The following PCDH9 variants were observed in gnomAD, a reference collection of about 807,000 sequenced individuals.
PCDH9 encodes protocadherin 9.
Under a neutral mutation model 70.6 loss-of-function variants are expected in PCDH9, and 24 were observed. That is an observed-to-expected ratio of 0.34 (90% CI 0.25 to 0.48). The LOEUF is 0.48. PCDH9 is among the 20% of genes least tolerant of loss of function. PCDH9 has a pLI of 0.99. For synonymous variants in PCDH9, 562 were observed against 558.5 expected (o/e 1.01, Z -0.09); for missense variants, 1,281 against 1,503.6 (o/e 0.85, Z 2.45).
chr13:66,401,036 C>T (rs760447199), intron 4 of PCDH9, among the ~76,000 whole-genome samples: 2 of 152,070 alleles, frequency 1.3e-5, no homozygotes, highest in African/African-American at 2.4e-5. Flanking sequence ...GTGGGGAAAT[C>T]GTAAGTGTGT....
chr13:67,059,242 CA>C (rs1415556076), intron 2 of PCDH9, among the ~76,000 whole-genome samples: 1 of 150,948 alleles, frequency 6.6e-6, no homozygotes. Flanking sequence ...GGTGTGCTAG[CA>C]TTATTCTAGA....
chr13:66,971,861 T>A (rs1267278138), intron 2 of PCDH9, among the ~76,000 whole-genome samples: 1 of 152,042 alleles, frequency 6.6e-6, no homozygotes, highest in Non-Finnish European at 1.5e-5. Context: ...CACATTTTTG[T>A]AAGGAATTAT....
intron 2 of PCDH9, among the ~76,000 whole-genome samples, chr13:67,095,035 T>C (rs962054046): frequency 2.0e-5 from 3 of 152,170 alleles, no homozygotes; most frequent in African/African-American, 7.2e-5. Context: ...TTATGACATA[T>C]ATATTTTGAT....
chr13:67,100,004 C>T (rs57763860), intron 2 of PCDH9, among the ~76,000 whole-genome samples: 11,914 of 152,124 alleles, frequency 0.078, 1,078 homozygotes, highest in African/African-American at 0.22. Context: ...GATGTTAAAT[C>T]ACTGAACTAT....
chr13:66,813,248 TAA>T lies in PCDH9; in HGVS notation c.3138+90254_3138+90255del, dbSNP rs574799305. On this transcript the variant is annotated intron_variant, in intron 3 of 4. Coordinates refer to ENST00000377865, the MANE Select transcript of PCDH9 (RefSeq NM_203487.3). The stretch of plus-strand genomic sequence containing the variant: ...AAGGCATTATAACTCTCAGAATTCC[TAA>T]AGTAATTCCGACAGCAATAAAAACT... Among the ~76,000 whole-genome samples the T allele has an allele frequency of 4.6e-3, 702 of 152,256 alleles. 4 individuals are homozygous for T. Among genetic ancestry groups the T allele is most frequent in the Non-Finnish European group, 4.5e-3 (308 of 68,012 alleles).
chr13:66,330,508 G>A (rs1015269482), intron 4 of PCDH9, among the ~76,000 whole-genome samples: 1 of 152,102 alleles, frequency 6.6e-6, no homozygotes, highest in African/African-American at 2.4e-5. Flanking sequence ...TAGCCCACTG[G>A]ACAGATTTGT....
At chr13:66,365,993 A>C (rs1167694266) in intron 4 of PCDH9, among the ~76,000 whole-genome samples, 1 of 152,094 alleles carries the variant, frequency 6.6e-6, no homozygotes, top group African/African-American at 2.4e-5. Context: ...AAATTTTGCA[A>C]ATATGAAAAG....
At chr13:66,319,597 AT>A (rs1955716466) in intron 4 of PCDH9, among the ~76,000 whole-genome samples, 1 of 151,884 alleles carries the variant, frequency 6.6e-6, no homozygotes, top group Non-Finnish European at 1.5e-5. Context: ...ACTAATAAGG[AT>A]TTAGTGAGGG....
intron 4 of PCDH9, among the ~76,000 whole-genome samples, chr13:66,408,753 T>C (rs1447493460): frequency 6.6e-6 from 1 of 152,142 alleles, no homozygotes; most frequent in East Asian, 1.9e-4. Context: ...ATAATAATTA[T>C]GGAAGTCACA....
chr13:66,888,241 T>C (rs2082040075), intron 3 of PCDH9, among the ~76,000 whole-genome samples: 2 of 152,140 alleles, frequency 1.3e-5, no homozygotes, highest in South Asian at 2.1e-4. Context: ...GTGCCTATGA[T>C]AGCAGCTCTT....
chr13:66,476,871 T>C (rs1392123197), intron 4 of PCDH9, among the ~76,000 whole-genome samples: 1 of 152,066 alleles, frequency 6.6e-6, no homozygotes, highest in Non-Finnish European at 1.5e-5. Flanking sequence ...ATCAAATGAA[T>C]AGCTCTGTAG....
intron 4 of PCDH9, among the ~76,000 whole-genome samples, chr13:66,472,684 A>G (rs940032810): frequency 6.6e-6 from 1 of 152,162 alleles, no homozygotes; most frequent in African/African-American, 2.4e-5. Context: ...GTGATTCCAG[A>G]TCTCTCATCT....
At chr13:66,581,980 A>T (rs1419115752) in intron 4 of PCDH9, among the ~76,000 whole-genome samples, 1 of 152,104 alleles carries the variant, frequency 6.6e-6, no homozygotes, top group Non-Finnish European at 1.5e-5. Flanking sequence ...GTCCCTTTTC[A>T]GTTTAGAACT....
intron 2 of PCDH9, among the ~76,000 whole-genome samples, chr13:67,177,267 CT>C (rs1251671947): frequency 6.6e-6 from 1 of 152,046 alleles, no homozygotes. Context: ...TGAAACCCCC[CT>C]GCCACCTGTC....
chr13:66,606,304 AC>A (rs1872750084), intron 4 of PCDH9, among the ~76,000 whole-genome samples: 2 of 152,156 alleles, frequency 1.3e-5, no homozygotes, highest in South Asian at 4.2e-4. Flanking sequence ...AGTACTTTTA[AC>A]CGTGCCTCCT....
intron 4 of PCDH9, among the ~76,000 whole-genome samples, chr13:66,581,750 A>G (rs952178237): frequency 6.6e-6 from 1 of 152,042 alleles, no homozygotes; most frequent in African/African-American, 2.4e-5. Context: ...AAAACAAGCA[A>G]CTCAATGGCA....
chr13:66,959,211 A>G (rs895148032), intron 2 of PCDH9, among the ~76,000 whole-genome samples: 1 of 152,220 alleles, frequency 6.6e-6, no homozygotes, highest in African/African-American at 2.4e-5. Context: ...CATGAAGCAC[A>G]TATAAGAGAT....
chr13:67,095,260 C>T (rs1327098110), intron 2 of PCDH9, among the ~76,000 whole-genome samples: 1 of 151,984 alleles, frequency 6.6e-6, no homozygotes, highest in East Asian at 1.9e-4. Flanking sequence ...CCTAACAACT[C>T]TATATATCAC....
intron 3 of PCDH9, among the ~76,000 whole-genome samples, chr13:66,728,799 T>C (rs371822692): frequency 4.6e-5 from 7 of 152,252 alleles, no homozygotes; most frequent in African/African-American, 1.7e-4. Flanking sequence ...CAATTCTTTT[T>C]GATAAAGGTC....
Sources: gnomAD v4.1 joint callset for allele counts (sites outside exome capture counted in the v4.1 genomes callset) on GRCh38, gnomAD v4.1.1 for gene constraint, MANE v1.5 for transcripts, NCBI Gene and HGNC (gene_info 2026-07-23, HGNC 2026-07-21) for gene names.